Variants in GRIN2A observed in about 807,000 individuals in gnomAD.
GRIN2A encodes glutamate ionotropic receptor NMDA type subunit 2A.
In GRIN2A, 22 loss-of-function variants were observed where a neutral mutation model predicts 113.4. That is an observed-to-expected ratio of 0.19 (90% CI 0.14 to 0.28). GRIN2A has a LOEUF of 0.28. GRIN2A is among the 10% of genes least tolerant of loss of function. The probability of loss-of-function intolerance (pLI) is 1.00; values close to 1 mark genes in which losing one functional copy is unlikely to be tolerated. For missense variants in GRIN2A, 1,502 were observed against 1,887.0 expected (o/e 0.80, Z 3.78); for synonymous variants, 827 against 738.4 (o/e 1.12, Z -1.94).
Position 9,948,904 on chromosome 16 carries a change from C to T in GRIN2A, c.415-10353G>A, listed in dbSNP as rs141939995. The stretch of plus-strand genomic sequence containing the variant: ...GCCAGCGCTGCAGCTCACAAATGTA[C>T]GCAAGTGGCTGGGTCTCCCTGAGCC... On this transcript the variant is annotated intron_variant, in intron 2 of 12. Transcript: ENST00000330684. Among the ~76,000 whole-genome samples the T allele has an allele frequency of 9.8e-4, 150 of 152,316 alleles. 3 individuals are homozygous for T. The East Asian group carries it at 0.02, about 20-fold the overall frequency.
chr16:9,816,752 T>C (rs1177513335), intron 10 of GRIN2A, among the ~76,000 whole-genome samples: 1 of 152,214 alleles, frequency 6.6e-6, no homozygotes, highest in Non-Finnish European at 1.5e-5. Context: ...CGGAGTCACC[T>C]GAAGAGCTTG....
chr16:9,796,618 G>A (rs1026951172), intron 11 of GRIN2A, among the ~76,000 whole-genome samples: 10 of 152,196 alleles, frequency 6.6e-5, no homozygotes, highest in East Asian at 5.8e-4. Context: ...GCAGCTAGGC[G>A]TTCCTTTCTG....
chr16:9,787,063 AAT>A (rs1295864523), intron 11 of GRIN2A, among the ~76,000 whole-genome samples: 1 of 152,188 alleles, frequency 6.6e-6, no homozygotes, highest in Non-Finnish European at 1.5e-5. Context: ...TTTACCTCCA[AAT>A]ATGTTTCTTT....
intron 2 of GRIN2A, among the ~76,000 whole-genome samples, chr16:10,005,501 T>C (rs924855881): frequency 1.3e-5 from 2 of 152,310 alleles, no homozygotes; most frequent in Middle Eastern, 3.4e-3. Context: ...GTGTGTACCA[T>C]GAGTGAGTGA....
At chr16:9,937,442 C>T (rs537712511) in intron 3 of GRIN2A, among the ~76,000 whole-genome samples, 6 of 152,230 alleles carry the variant, frequency 3.9e-5, no homozygotes, top group Admixed American at 1.3e-4. Flanking sequence ...TCACACTGCA[C>T]GCCTGTGTCA....
At chr16:9,910,537 C>CTTTTTTTTTTTTTTTT (rs35352418) in intron 3 of GRIN2A, among the ~76,000 whole-genome samples, 1 of 123,286 alleles carries the variant, frequency 8.1e-6, no homozygotes, top group Non-Finnish European at 1.7e-5. Context: ...TCTCAGAGTT[C>CTTTTTTTTTTTTTTTT]TTTTTTTTTT....
At chr16:9,820,277 CAT>C (rs1278567682) in intron 10 of GRIN2A, among the ~76,000 whole-genome samples, 2 of 152,198 alleles carry the variant, frequency 1.3e-5, no homozygotes, top group African/African-American at 4.8e-5. Context: ...CATTTGTGCG[CAT>C]GGTCTGTCCA....
chr16:9,832,615 C>G (rs1014887814), intron 8 of GRIN2A, among the ~76,000 whole-genome samples: 1 of 151,962 alleles, frequency 6.6e-6, no homozygotes, highest in Admixed American at 6.5e-5. Context: ...GCACGTAGTA[C>G]CCATTTGATA....
At chr16:10,062,095 G>A (rs1374094840) in intron 2 of GRIN2A, among the ~76,000 whole-genome samples, 1 of 152,170 alleles carries the variant, frequency 6.6e-6, no homozygotes, top group African/African-American at 2.4e-5. Context: ...GGCTGAACTG[G>A]GATGAGATGG....
intron 10 of GRIN2A, among the ~76,000 whole-genome samples, chr16:9,817,035 ATTTC>A (rs997449109): frequency 1.2e-4 from 19 of 152,122 alleles, no homozygotes; most frequent in Middle Eastern, 3.2e-3. Flanking sequence ...TTGTCTGATA[ATTTC>A]TTTATCTCCA....
intron 4 of GRIN2A, among the ~76,000 whole-genome samples, chr16:9,874,340 G>A (rs374685565): frequency 3.3e-5 from 5 of 152,344 alleles, no homozygotes; most frequent in African/African-American, 1.2e-4. Flanking sequence ...TACAGCTTCA[G>A]ATGTGCAGAG....
chr16:10,160,909 T>C (rs1324545785), intron 2 of GRIN2A, among the ~76,000 whole-genome samples: 1 of 152,162 alleles, frequency 6.6e-6, no homozygotes, highest in East Asian at 1.9e-4. Context: ...TGGAGCCAGG[T>C]TTTGGGGTTT....
intron 3 of GRIN2A, among the ~76,000 whole-genome samples, chr16:9,928,855 A>G (rs2044525638): frequency 1.3e-5 from 2 of 152,352 alleles, no homozygotes; most frequent in South Asian, 4.1e-4. Context: ...TGATTAAATA[A>G]AACTGCCGGT....
At chr16:9,829,315 T>G (rs1297800239) in intron 9 of GRIN2A, 108 bp downstream of exon 9, 1 of 720,600 alleles carries the variant, frequency 1.4e-6, no homozygotes. Context: ...CTGGCTTTTG[T>G]GCATTCGAGT....
intron 2 of GRIN2A, among the ~76,000 whole-genome samples, chr16:10,097,487 T>A (rs2048315913): frequency 1.3e-5 from 2 of 152,138 alleles, no homozygotes; most frequent in South Asian, 2.1e-4. Context: ...GAGTCTCCAG[T>A]GAGATTGGAT....
chr16:10,092,707 C>G (rs1476402811), intron 2 of GRIN2A, among the ~76,000 whole-genome samples: 1 of 152,104 alleles, frequency 6.6e-6, no homozygotes, highest in Non-Finnish European at 1.5e-5. Flanking sequence ...GGTTAAGTGA[C>G]TTGTCCAAGA....
rs984605931 is a variant in GRIN2A, at chr16:9,761,802, A to T, written c.*1347T>A. The T allele has an allele frequency of 1.5e-5, 3 of 205,936 alleles. No individual in the cohort carries two copies. Among genetic ancestry groups the T allele is most frequent in the Non-Finnish European group, 3.0e-5 (3 of 100,950 alleles). 12.8% of individuals were successfully genotyped at this position (205,936 alleles called of 1,614,324 possible). A position where few individuals can be genotyped will look rare whatever the true frequency, so the allele number is the denominator to read the frequency against. ...GGATAATGCAGGCGACTCAGAAATG[A>T]CAAATACTTTGAGGAATTTTTCCTA... On this transcript the variant is annotated 3_prime_UTR_variant, in exon 13 of 13. Transcript: ENST00000330684.
At chr16:10,167,255 G>A (rs2049944799) in intron 2 of GRIN2A, among the ~76,000 whole-genome samples, 2 of 152,066 alleles carry the variant, frequency 1.3e-5, no homozygotes, top group East Asian at 1.9e-4. Flanking sequence ...GGAAGGGTCC[G>A]TAGCCTTCAT....
intron 10 of GRIN2A, among the ~76,000 whole-genome samples, chr16:9,810,567 G>C (rs1230637240): frequency 6.6e-6 from 1 of 152,152 alleles, no homozygotes; most frequent in Non-Finnish European, 1.5e-5. Flanking sequence ...CATACCAAGG[G>C]AAGAAGGTCA....
Sources: gnomAD v4.1 joint callset for allele counts (sites outside exome capture counted in the v4.1 genomes callset) on GRCh38, gnomAD v4.1.1 for gene constraint, MANE v1.5 for transcripts, NCBI Gene and HGNC (gene_info 2026-07-23, HGNC 2026-07-21) for gene names.